NRXN3: variants seen among roughly 807,000 people sequenced by gnomAD.
The protein encoded by NRXN3 is neurexin 3.
Under a neutral mutation model 137.6 loss-of-function variants are expected in NRXN3, and 32 were observed. The ratio of observed to expected loss-of-function variants is 0.23; its 90% CI spans 0.18 to 0.31. The LOEUF is 0.31. Ranked by LOEUF, NRXN3 falls within the 10% of genes least tolerant of loss-of-function variation. The pLI, the probability that NRXN3 is intolerant of heterozygous loss-of-function variation, is 1.00. For synonymous variants in NRXN3, 798 were observed against 784.5 expected (o/e 1.02, Z -0.29); for missense variants, 1,574 against 2,062.5 (o/e 0.76, Z 4.59).
At chr14:78,385,290 A>AACAC (rs34246142) in intron 4 of NRXN3, among the ~76,000 whole-genome samples, 30 of 147,468 alleles carry the variant, frequency 2.0e-4, no homozygotes, top group East Asian at 6.0e-4. Context: ...AACTTTAAGC[A>AACAC]ACACACACAC....
At position 79,853,778 on chromosome 14, in the gene NRXN3, AT is replaced by A. The variant is rs151307010; in HGVS notation, c.4094-7563del. 1,485 of 1,022,162 alleles carry A rather than the reference AT, an allele frequency of 1.5e-3. 14 individuals carry two copies. In the African/African-American group the frequency reaches 0.021, roughly 14 times the overall value. The allele number at this position is 1,022,162 out of a possible 1,614,324, so 63.3% of individuals were successfully genotyped here. ...TAAAATTTGTCAAAAAGACAAAAAA[AT>A]ATATATATCTGAAAACTTATAAATG... On this transcript the variant is annotated intron_variant, in intron 20 of 20. Coordinates refer to ENST00000335750, the MANE Select transcript of NRXN3 (RefSeq NM_001330195.2).
intron 4 of NRXN3, among the ~76,000 whole-genome samples, chr14:78,343,309 T>C (rs2082346559): frequency 6.6e-6 from 1 of 152,184 alleles, no homozygotes; most frequent in Non-Finnish European, 1.5e-5. Context: ...CTATCTATGA[T>C]GAGGGTCAAA....
At chr14:78,199,405 TC>T (rs2061487329) in intron 1 of NRXN3, among the ~76,000 whole-genome samples, 1 of 152,188 alleles carries the variant, frequency 6.6e-6, no homozygotes, top group Non-Finnish European at 1.5e-5. Context: ...AATAAGAGCC[TC>T]TAACATTTAT....
At chr14:78,326,790 A>G (rs148368124) in intron 4 of NRXN3, among the ~76,000 whole-genome samples, 2 of 152,312 alleles carry the variant, frequency 1.3e-5, no homozygotes, top group East Asian at 1.9e-4. Flanking sequence ...GGGAACACAT[A>G]AAGATGATTA....
chr14:79,770,234 G>A (rs2099072560), intron 19 of NRXN3, among the ~76,000 whole-genome samples: 1 of 151,954 alleles, frequency 6.6e-6, no homozygotes, highest in Non-Finnish European at 1.5e-5. Flanking sequence ...AAGTCAACAA[G>A]GATACCCAGG....
rs146166033 is a variant in NRXN3 at position 78,393,637 on chromosome 14, A to C, written c.757+95777A>C. Among the ~76,000 whole-genome samples the C allele has an allele frequency of 3.5e-3, 533 of 152,088 alleles. 4 individuals are homozygous for C. The highest frequency in any genetic ancestry group is 0.012 in the African/African-American group (503 of 41,516). ...TACACATTTTTAAATAATCCTGACTATCTCTCCCAAAACAATCTTGCTTGG... is the reference window on the plus strand; with the variant it reads ...TACACATTTTTAAATAATCCTGACTCTCTCTCCCAAAACAATCTTGCTTGG... On this transcript the variant is annotated intron_variant, in intron 4 of 20. Transcript: ENST00000335750.
intron 15 of NRXN3, among the ~76,000 whole-genome samples, chr14:79,453,168 C>A (rs2153589772): frequency 6.6e-6 from 1 of 152,182 alleles, no homozygotes; most frequent in Admixed American, 6.5e-5. Context: ...TGGCTCACAC[C>A]TGTAATCCCA....
In NRXN3 at chr14:78,936,104, C is replaced by T. The variant is rs146407840; in HGVS notation, c.2276-21138C>T. Among the ~76,000 whole-genome samples the T allele has an allele frequency of 9.2e-5, 14 of 152,342 alleles. No individual in the cohort carries two copies. In the East Asian group the frequency reaches 1.2e-3, roughly 13 times the overall value. ...GACAATGTCCAATTCCTTAGCATTA[C>T]ATGCAGTCCATCTATCTTTCCTACC... On this transcript the variant is annotated intron_variant, in intron 10 of 20. Transcript: ENST00000335750.
chr14:79,218,922 G>A (rs777961490), intron 15 of NRXN3, among the ~76,000 whole-genome samples: 11 of 151,912 alleles, frequency 7.2e-5, no homozygotes, highest in Admixed American at 1.3e-4. Context: ...ATATAAAGGG[G>A]TAAGAGTGAA....
chr14:78,794,929 CAAACAAA>C (rs1015494613), intron 8 of NRXN3, among the ~76,000 whole-genome samples: 1 of 15,062 alleles, frequency 6.6e-5, no homozygotes, highest in African/African-American at 8.8e-5. Flanking sequence ...AACAAACAAA[CAAACAAA>C]CAAAAAAAAA....
At chr14:79,175,879 C>T (rs568275474) in intron 15 of NRXN3, among the ~76,000 whole-genome samples, 34 of 152,282 alleles carry the variant, frequency 2.2e-4, no homozygotes, top group African/African-American at 7.7e-4. Context: ...GTGTTGTAGT[C>T]GTGAAACTGA....
At chr14:78,588,410 A>G (rs1279763862) in intron 4 of NRXN3, among the ~76,000 whole-genome samples, 1 of 152,236 alleles carries the variant, frequency 6.6e-6, no homozygotes, top group African/African-American at 2.4e-5. Flanking sequence ...ATAAAAGGTA[A>G]TAACTAAATG....
chr14:79,021,140 T>C (rs1228823842), intron 15 of NRXN3, among the ~76,000 whole-genome samples: 1 of 145,652 alleles, frequency 6.9e-6, no homozygotes, highest in Admixed American at 6.6e-5. Flanking sequence ...ACTTGATACC[T>C]ATGTTATCAT....
intron 6 of NRXN3, among the ~76,000 whole-genome samples, chr14:78,669,689 G>A (rs1012471989): frequency 2.0e-5 from 3 of 151,960 alleles, no homozygotes; most frequent in African/African-American, 4.8e-5. Flanking sequence ...AAGGGAGGGC[G>A]ATTCCTGGAA....
chr14:79,252,040 T>A (rs1319824990), intron 15 of NRXN3, among the ~76,000 whole-genome samples: 1 of 152,188 alleles, frequency 6.6e-6, no homozygotes, highest in African/African-American at 2.4e-5. Context: ...TTTTTCTCTT[T>A]CTGATAGTAC....
At chr14:78,898,288 T>C (rs913026887) in intron 10 of NRXN3, among the ~76,000 whole-genome samples, 1 of 151,944 alleles carries the variant, frequency 6.6e-6, no homozygotes, top group African/African-American at 2.4e-5. Context: ...AGAGAATTCA[T>C]TGGGTGTTTT....
chr14:78,504,800 T>G (rs1350503709), intron 4 of NRXN3, among the ~76,000 whole-genome samples: 1 of 152,160 alleles, frequency 6.6e-6, no homozygotes, highest in East Asian at 1.9e-4. Context: ...ACGTATACTG[T>G]GTGAAATAGT....
chr14:78,178,206 C>G (rs1324301921), intron 1 of NRXN3, among the ~76,000 whole-genome samples: 1 of 152,206 alleles, frequency 6.6e-6, no homozygotes, highest in African/African-American at 2.4e-5. Context: ...TTCGTACCAC[C>G]TCCATGGGCC....
chr14:78,495,606 A>G (rs1340855925), intron 4 of NRXN3, among the ~76,000 whole-genome samples: 1 of 152,154 alleles, frequency 6.6e-6, no homozygotes, highest in Non-Finnish European at 1.5e-5. Flanking sequence ...ATCTTCAGGG[A>G]AGGTGGGGGG....
Sources: gnomAD v4.1 joint callset for allele counts (sites outside exome capture counted in the v4.1 genomes callset) on GRCh38, gnomAD v4.1.1 for gene constraint, MANE v1.5 for transcripts, NCBI Gene and HGNC (gene_info 2026-07-23, HGNC 2026-07-21) for gene names.